Variants in ATE1 observed in about 807,000 individuals in gnomAD.
ATE1 encodes arginyltransferase 1, also known as arginyl-tRNA--protein transferase 1.
Under a neutral mutation model 70.5 loss-of-function variants are expected in ATE1, and 36 were observed. That is an observed-to-expected ratio of 0.51 (90% confidence interval 0.39 to 0.67). The LOEUF (loss-of-function observed/expected upper bound fraction) is 0.67. ATE1 is among the 30% of genes least tolerant of loss of function. The probability of loss-of-function intolerance (pLI) is 0.00; values close to 1 mark genes in which losing one functional copy is unlikely to be tolerated. For synonymous variants in ATE1, 232 were observed against 219.3 expected, an observed-to-expected ratio of 1.06 and a Z score of -0.51; for missense variants, 593 against 629.5, an observed-to-expected ratio of 0.94 and a Z score of 0.62.
At chr10:121,778,678 T>C (rs943931707) in intron 11 of ATE1, among the ~76,000 whole-genome samples, 3 of 146,418 alleles carry the variant, frequency 2.0e-5, no homozygotes, top group African/African-American at 5.0e-5. Flanking sequence ...ATCGGCTCAC[T>C]GCAGCCTCCA....
At chr10:121,868,656 A>C (rs1023284130) in intron 8 of ATE1, among the ~76,000 whole-genome samples, 3 of 152,254 alleles carry the variant, frequency 2.0e-5, no homozygotes, top group African/African-American at 7.2e-5. Context: ...TAGATCAGGG[A>C]AAAGGGCTCA....
chr10:121,744,621 C>G (rs1371835670), intron 11 of ATE1, among the ~76,000 whole-genome samples: 1 of 152,186 alleles, frequency 6.6e-6, no homozygotes, highest in Non-Finnish European at 1.5e-5. Flanking sequence ...TAGGTATGGA[C>G]AATGCACCCT....
rs755322923 is a variant in ATE1 at position 121,899,936 on chromosome 10, G to A, written c.872C>T (p.Ser291Phe). The A allele has an allele frequency of 1.9e-6, 3 of 1,613,892 alleles. No individual in the cohort carries two copies. Among genetic ancestry groups the A allele is most frequent in the Non-Finnish European group, 8.5e-7 (1 of 1,179,962 alleles). Reference protein sequence around the residue: ...SSQFKATLLESYQVYKRYQMV... With the variant: ...SSQFKATLLEFYQVYKRYQMV... ...CTGGTAACGTTTATAGACCTGGTAAGACTCCAGAAGTGTGGCTTTGAACTG... is the reference window on the plus strand; with the variant it reads ...CTGGTAACGTTTATAGACCTGGTAAAACTCCAGAAGTGTGGCTTTGAACTG... Residue 291 changes from serine to phenylalanine, a missense_variant, in exon 7 of 12, where the codon TCT (serine) becomes TTT (phenylalanine). By Grantham distance (155) the Ser-to-Phe change is radical. This residue lies in a region of ATE1 where 467 missense variants were observed against 469.6 expected (regional missense o/e 0.99). Transcript: ENST00000224652.
chr10:121,805,456 G>T (rs1355641388), intron 10 of ATE1, among the ~76,000 whole-genome samples: 6 of 152,138 alleles, frequency 3.9e-5, no homozygotes, highest in Admixed American at 3.9e-4. Flanking sequence ...ATCCCATAAG[G>T]AGTGGTGGTG....
At chr10:121,867,682 G>T (rs529147239) in intron 8 of ATE1, among the ~76,000 whole-genome samples, 4 of 152,118 alleles carry the variant, frequency 2.6e-5, no homozygotes, top group Non-Finnish European at 4.4e-5. Context: ...TTAACATTTT[G>T]TGCATCTCCT....
chr10:121,864,660 T>A (rs10887003), intron 8 of ATE1, among the ~76,000 whole-genome samples: 21,220 of 152,246 alleles, frequency 0.14, 1,606 homozygotes, highest in East Asian at 0.19. Context: ...TTGTCCCACA[T>A]GTTTTTTGTT....
intron 7 of ATE1, among the ~76,000 whole-genome samples, chr10:121,877,555 T>G (rs887936118): frequency 4.0e-5 from 6 of 151,874 alleles, no homozygotes; most frequent in African/African-American, 1.5e-4. Flanking sequence ...ACTCTCACAG[T>G]CAATAAGGAA....
At chr10:121,888,351 G>A (rs1019709512) in intron 7 of ATE1, among the ~76,000 whole-genome samples, 4 of 151,882 alleles carry the variant, frequency 2.6e-5, no homozygotes, top group Admixed American at 6.6e-5. Context: ...CCGAAATCAC[G>A]CGACTGCACT....
chr10:121,827,794 G>T (rs1230302118), intron 10 of ATE1, among the ~76,000 whole-genome samples: 1 of 152,144 alleles, frequency 6.6e-6, no homozygotes, highest in Non-Finnish European at 1.5e-5. Flanking sequence ...GTAATGTAAT[G>T]ACTACAGAAT....
intron 5 of ATE1, among the ~76,000 whole-genome samples, chr10:121,909,483 A>T (rs982230303): frequency 3.9e-5 from 6 of 152,184 alleles, no homozygotes; most frequent in Admixed American, 2.0e-4. Flanking sequence ...GAAATACAGG[A>T]TATCACAATG....
chr10:121,808,202 A>G (rs896471504), intron 10 of ATE1, among the ~76,000 whole-genome samples: 3 of 152,242 alleles, frequency 2.0e-5, no homozygotes, highest in Non-Finnish European at 4.4e-5. Context: ...CTCAAATTAA[A>G]TATATAAAAC....
At chr10:121,859,049 C>T (rs186399177) in intron 8 of ATE1, among the ~76,000 whole-genome samples, 63 of 151,602 alleles carry the variant, frequency 4.2e-4, no homozygotes, top group Middle Eastern at 3.4e-3. Flanking sequence ...GAGCTGAGAT[C>T]GCACCATTGC....
At chr10:121,751,344 G>C (rs1944570822) in intron 11 of ATE1, among the ~76,000 whole-genome samples, 1 of 152,142 alleles carries the variant, frequency 6.6e-6, no homozygotes, top group Non-Finnish European at 1.5e-5. Flanking sequence ...ACAGAGTTGT[G>C]CAACCATAAC....
intron 8 of ATE1, among the ~76,000 whole-genome samples, chr10:121,848,284 G>GTTCATTCATTCATTCATTCATTCA: frequency 6.7e-6 from 1 of 150,186 alleles, no homozygotes; most frequent in South Asian, 2.1e-4. Context: ...TCTAATGTGC[G>GTTCATTCATTCATTCATTCATTCA]TTCATTCATT....
chr10:121,829,477 A>C (rs1361219411), intron 10 of ATE1, among the ~76,000 whole-genome samples: 1 of 151,804 alleles, frequency 6.6e-6, no homozygotes, highest in Admixed American at 6.6e-5. Flanking sequence ...GGCAAGGCCG[A>C]GGCAGGTGGA....
chr10:121,916,352 A>T (rs1470680129), intron 3 of ATE1, among the ~76,000 whole-genome samples: 1 of 152,202 alleles, frequency 6.6e-6, no homozygotes, highest in African/African-American at 2.4e-5. Flanking sequence ...AGTGGAACAA[A>T]ATTCTAGAAA....
In ATE1 at chr10:121,910,990, G is replaced by A. The variant is rs148095496; in HGVS notation, c.499C>T (p.Leu167Phe). The change falls in exon 5 of 12, where the codon CTT (leucine) becomes TTT (phenylalanine). Residue 167 changes from leucine to phenylalanine, a missense_variant. Physicochemically the swap from Leu to Phe is conservative, Grantham distance 22 (BLOSUM62 0). Transcript: ENST00000224652. ...NSKKEEPQEL[L>F]QSQDFVGEKL... is the part of the protein sequence containing the mutation. ...TCTCCTACGAAATCTTGTGACTGAA[G>A]TAATTCCTGAGGTTCTTCTTTCTTT... is the stretch of plus-strand genomic sequence containing the variant. 21,069 of 1,614,056 alleles carry A rather than the reference G, an allele frequency of 0.013. 171 individuals carry two copies. The highest frequency in any genetic ancestry group is 0.014 in the Non-Finnish European group (17,056 of 1,180,004).
At chr10:121,887,562 T>C (rs957498657) in intron 7 of ATE1, among the ~76,000 whole-genome samples, 8 of 151,858 alleles carry the variant, frequency 5.3e-5, no homozygotes, top group Admixed American at 1.3e-4. Context: ...AAAAATTAGC[T>C]GGATGTAGTG....
chr10:121,921,830 C>T (rs533725694), intron 3 of ATE1, among the ~76,000 whole-genome samples: 2 of 152,146 alleles, frequency 1.3e-5, no homozygotes, highest in African/African-American at 2.4e-5. Flanking sequence ...GTCTTTTAGA[C>T]GTTGAGTCAG....
Sources: allele counts gnomAD v4.1 joint callset (sites outside exome capture counted in the v4.1 genomes callset), GRCh38; gene constraint gnomAD v4.1.1; regional missense constraint gnomAD v4.1.1; transcripts MANE v1.5; gene names NCBI Gene and HGNC (gene_info 2026-07-23, HGNC 2026-07-21).